Variants in GGT5 observed in about 807,000 individuals in gnomAD.
GGT5 encodes the protein glutathione hydrolase 5 proenzyme.
GGT5 carries 50 observed loss-of-function variants against 58.1 expected under a neutral mutation model. That is an observed-to-expected ratio of 0.86 (90% CI 0.69 to 1.09). The LOEUF (loss-of-function observed/expected upper bound fraction) is 1.09, where lower values mean the gene tolerates loss of function less well. Ranked by LOEUF, GGT5 falls within the 50% of genes least tolerant of loss-of-function variation. The pLI, the probability that GGT5 is intolerant of heterozygous loss-of-function variation, is 0.00. For synonymous variants in GGT5, 370 were observed against 346.1 expected, an observed-to-expected ratio of 1.07 and a Z score of -0.77; for missense variants, 800 against 789.4, an observed-to-expected ratio of 1.01 and a Z score of -0.16.
intron 8 of GGT5, 126 bp downstream of exon 8, chr22:24,225,950 G>A: frequency 1.4e-6 from 1 of 693,876 alleles, no homozygotes; most frequent in Non-Finnish European, 2.4e-6. Flanking sequence ...TTGAAATAGA[G>A]GAGGAGAAAA....
chr22:24,243,535 G>A (rs2048380835), intron 1 of GGT5: 1 of 152,258 alleles, frequency 6.6e-6, no homozygotes. Context: ...CTCCTCCCTT[G>A]CTTTAATTTA....
intron 6 of GGT5, among the ~76,000 whole-genome samples, chr22:24,227,542 C>T (rs1268913149): frequency 6.6e-5 from 10 of 152,134 alleles, no homozygotes; most frequent in Admixed American, 3.9e-4. Flanking sequence ...CCACCACACC[C>T]GGCCTAAAGT....
Position 24,219,693 on chromosome 22 carries a change from T to G in GGT5, c.*277A>C. ...GCCTCTTTAATCTTGGACTGGAGGA[T>G]ATACAGATCGAGAGGGTGGGAGAGT... On this transcript the variant is annotated 3_prime_UTR_variant, in exon 12 of 12. Transcript: ENST00000327365. 2.2e-6 allele frequency: 1 copy of G among 447,062 alleles called. No homozygotes were observed. Among genetic ancestry groups the G allele is most frequent in the South Asian group, 2.9e-5 (1 of 35,018 alleles). The allele number at this position is 447,062 out of a possible 1,614,324, so 27.7% of individuals were successfully genotyped here.
intron 6 of GGT5, among the ~76,000 whole-genome samples, chr22:24,230,886 A>G (rs1433970605): frequency 2.0e-5 from 3 of 152,192 alleles, no homozygotes; most frequent in African/African-American, 7.2e-5. Context: ...TGGCTTCCAG[A>G]ACTGTGAGAG....
intron 11 of GGT5, among the ~76,000 whole-genome samples, chr22:24,222,889 A>T (rs1054080118): frequency 1.3e-5 from 2 of 151,196 alleles, no homozygotes; most frequent in Non-Finnish European, 2.9e-5. Context: ...CATCCTGGCT[A>T]ACACGGTGAA....
At chr22:24,222,033 G>A (rs901748789) in intron 11 of GGT5, among the ~76,000 whole-genome samples, 1 of 151,960 alleles carries the variant, frequency 6.6e-6, no homozygotes, top group Admixed American at 6.6e-5. Context: ...ACAAAAATTA[G>A]CCAGGCTTGG....
At chr22:24,222,770 G>T (rs150059396) in intron 11 of GGT5, among the ~76,000 whole-genome samples, 1 of 152,274 alleles carries the variant, frequency 6.6e-6, no homozygotes, top group African/African-American at 2.4e-5. Context: ...AAAGACAAAG[G>T]TCCTTCAGTC....
chr22:24,244,594 A>T lies in GGT5; in HGVS notation c.132T>A (p.Ala44=). ...APCGPQAFAH[A]AVAADSKVCS... ...AGACCTTGGAGTCGGCGGCAACAGC[A>T]GCGTGGGCAAAGGCCTGGGGGCCAC... The change falls in exon 1 of 12, where the codon GCT becomes GCA. Residue 44 remains alanine (A), a synonymous_variant. Coordinates refer to ENST00000327365, the MANE Select transcript of GGT5 (RefSeq NM_004121.5). The T allele has an allele frequency of 6.2e-7, 1 of 1,612,558 alleles. No individual in the cohort carries two copies. The highest frequency in any genetic ancestry group is 8.5e-7 in the Non-Finnish European group (1 of 1,179,862).
In GGT5 at chr22:24,233,598, A is replaced by G; in HGVS notation, c.305-5T>C. On this transcript the variant is annotated splice_region_variant and splice_polypyrimidine_tract_variant and intron_variant, in intron 2 of 11. Coordinates refer to ENST00000327365, the MANE Select transcript of GGT5 (RefSeq NM_004121.5). ...CATTGATGACCTCCACCTTCCCTGG[A>G]GTAGGGCAGGGCAGGTGAGTGGTCA... 6.3e-7 allele frequency: 1 copy of G among 1,583,514 alleles called. No individual in the cohort carries two copies. Among genetic ancestry groups the G allele is most frequent in the South Asian group, 1.1e-5 (1 of 89,316 alleles).
chr22:24,238,308 T>C (rs34286685), intron 1 of GGT5, among the ~76,000 whole-genome samples: 16,927 of 150,202 alleles, frequency 0.11, 1,248 homozygotes, highest in East Asian at 0.22. Context: ...GGCAGGCAAA[T>C]TGCTTGAGGT....
chr22:24,228,048 C>CAAAAAAAAAAAAAAAAA lies in GGT5; in HGVS notation c.902-1298_902-1282dup, dbSNP rs1273239063. On this transcript the variant is annotated intron_variant, in intron 6 of 11. Transcript: ENST00000327365. ...TAGTAAACAGAGCAAGACTCTGTCT[C>CAAAAAAAAAAAAAAAAA]AAAAAAAAAAAAAAAAAACAAAACA... Among the ~76,000 whole-genome samples, 28 of 22,056 alleles carry CAAAAAAAAAAAAAAAAA rather than the reference C, an allele frequency of 1.3e-3. 2 individuals carry two copies. Among genetic ancestry groups the CAAAAAAAAAAAAAAAAA allele is most frequent in the South Asian group, 6.2e-3 (3 of 486 alleles). The allele number at this position is 22,056 out of a possible 152,430, so 14.5% of individuals were successfully genotyped here.
chr22:24,233,529 G>A lies in GGT5; in HGVS notation c.369C>T (p.Asp123=). ...VPASHAPSLL[D]QCAQALPLGT... ...CCAGTGGCAGAGCCTGTGCACACTG[G>A]TCCAGCAGGCTCGGGGCGTGGCTGG... Residue 123 remains aspartate, a synonymous_variant, in exon 3 of 12, where the codon GAC becomes GAT. Transcript: ENST00000327365. The A allele has an allele frequency of 1.2e-6, 2 of 1,608,718 alleles. No individual in the cohort carries two copies.
At chr22:24,229,312 C>A (rs1035532775) in intron 6 of GGT5, among the ~76,000 whole-genome samples, 2 of 151,734 alleles carry the variant, frequency 1.3e-5, no homozygotes, top group African/African-American at 4.9e-5. Context: ...GAGGCTGAGG[C>A]AGGAAAATCG....
intron 1 of GGT5, chr22:24,242,623 G>C (rs1410911380): frequency 2.0e-5 from 3 of 152,498 alleles, no homozygotes; most frequent in East Asian, 3.9e-4. Context: ...AAGAGCAGGA[G>C]ACTGGACTCT....
In GGT5 at chr22:24,232,666, G is replaced by A. The variant is rs193253747; in HGVS notation, c.596+157C>T. 1.9e-3 allele frequency among the ~76,000 whole-genome samples: 285 copies of A among 152,278 alleles called. 1 individual carries two copies. The highest frequency in any genetic ancestry group is 6.7e-3 in the African/African-American group (277 of 41,546). On this transcript the variant is annotated intron_variant, in intron 4 of 11. Transcript: ENST00000327365. ...CCCAAGTTAGGCTCTGCCACGGGGA[G>A]CTGGAAGGGCCATGAAAAGTACTCT...
At position 24,232,034 on chromosome 22, in the gene GGT5, A is replaced by G. The variant is rs199594362; in HGVS notation, c.754+17T>C. 1.9e-6 allele frequency: 3 copies of G among 1,608,142 alleles called. No homozygotes were observed. The highest frequency in any genetic ancestry group is 2.6e-6 in the Non-Finnish European group (3 of 1,175,658). On this transcript the variant is annotated intron_variant, in intron 5 of 11. Transcript: ENST00000327365. ...TCCTCCAGCAGGGATGGGGTATGGA[A>G]CCTCAGGGAGGCTGACCTTCCTTGG...
At chr22:24,224,861 C>A in intron 11 of GGT5, 135 bp downstream of exon 11, 2 of 647,502 alleles carry the variant, frequency 3.1e-6, no homozygotes, top group Non-Finnish European at 5.5e-6. Flanking sequence ...AGGTCCCCAA[C>A]TCCTATGGCC....
rs1601406671 is a variant in GGT5, at chr22:24,233,036, G to A, written c.401-18C>T. 1 of 1,478,942 alleles carries A rather than the reference G, an allele frequency of 6.8e-7. No homozygotes were observed. Among genetic ancestry groups the A allele is most frequent in the East Asian group, 2.5e-5 (1 of 39,432 alleles). The allele number at this position is 1,478,942 out of a possible 1,614,324, so 91.6% of individuals were successfully genotyped here. A position where few individuals can be genotyped will look rare whatever the true frequency, so the allele number is the denominator to read the frequency against. ...CTGGGCCCCTGCATGGCACATCCCA[G>A]CTCTCAACCCTGTGGCTTCCAGGCC... On this transcript the variant is annotated intron_variant, in intron 3 of 11. Coordinates refer to ENST00000327365, the MANE Select transcript of GGT5 (RefSeq NM_004121.5).
intron 4 of GGT5, 58 bp downstream of exon 4, chr22:24,232,765 G>T: frequency 4.9e-6 from 6 of 1,234,538 alleles, no homozygotes; most frequent in Non-Finnish European, 1.1e-6. Flanking sequence ...GTGTGGACTG[G>T]GCCCAGACAG....
Sources: gnomAD v4.1 joint callset for allele counts (sites outside exome capture counted in the v4.1 genomes callset) on GRCh38, gnomAD v4.1.1 for gene constraint, MANE v1.5 for transcripts, NCBI Gene and HGNC (gene_info 2026-07-23, HGNC 2026-07-21) for gene names.